GALNT13: variants seen among roughly 807,000 people sequenced by gnomAD.
GALNT13 encodes UDP-GalNAc:polypeptide N-acetylgalactosaminyltransferase 13.
Under a neutral mutation model 64.2 loss-of-function variants are expected in GALNT13, and 28 were observed. The observed-to-expected ratio is 0.44, with a 90% CI of 0.32 to 0.60. The LOEUF is 0.60. GALNT13 is among the 20% of genes least tolerant of loss of function. GALNT13 has a pLI of 0.05. For synonymous variants in GALNT13, 214 were observed against 224.6 expected (o/e 0.95, Z 0.42); for missense variants, 577 against 669.8 (o/e 0.86, Z 1.53).
chr2:154,302,735 G>T (rs1343787842), intron 9 of GALNT13, among the ~76,000 whole-genome samples: 1 of 152,178 alleles, frequency 6.6e-6, no homozygotes, highest in Non-Finnish European at 1.5e-5. Context: ...TCAAGTTATT[G>T]TCTAAATACC....
At chr2:153,583,046 C>G in the GALNT13 span, among the ~76,000 whole-genome samples, 2 of 152,122 alleles carry the variant, frequency 1.3e-5, no homozygotes, top group Admixed American at 6.6e-5. Flanking sequence ...GTGGGTAAGT[C>G]AGGCATTAAT....
At chr2:153,585,007 A>G in the GALNT13 span, among the ~76,000 whole-genome samples, 2 of 152,202 alleles carry the variant, frequency 1.3e-5, no homozygotes, top group African/African-American at 4.8e-5. Context: ...CACAGGAAAC[A>G]TCAAAAGCAA....
the GALNT13 span, among the ~76,000 whole-genome samples, chr2:153,817,373 G>C: frequency 6.6e-6 from 1 of 152,172 alleles, no homozygotes; most frequent in African/African-American, 2.4e-5. Flanking sequence ...TGATAAATCA[G>C]TTTAGCAAGA....
At chr2:153,442,290 A>T in the GALNT13 span, among the ~76,000 whole-genome samples, 1 of 152,340 alleles carries the variant, frequency 6.6e-6, no homozygotes, top group Non-Finnish European at 1.5e-5. Flanking sequence ...CATCCCAAGG[A>T]TGAAGCCGAC....
At chr2:153,132,010 A>G in the GALNT13 span, among the ~76,000 whole-genome samples, 1 of 152,300 alleles carries the variant, frequency 6.6e-6, no homozygotes, top group Middle Eastern at 3.4e-3. Flanking sequence ...GCCTTAGTCA[A>G]TGATACAGAG....
the GALNT13 span, among the ~76,000 whole-genome samples, chr2:153,589,887 C>G: frequency 1.3e-5 from 2 of 152,038 alleles, no homozygotes; most frequent in African/African-American, 4.8e-5. Context: ...GGAATACAGC[C>G]AAACCATATC....
chr2:154,219,490 T>C (rs1272231228), intron 4 of GALNT13, among the ~76,000 whole-genome samples: 1 of 152,142 alleles, frequency 6.6e-6, no homozygotes, highest in African/African-American at 2.4e-5. Flanking sequence ...TCTACCCATA[T>C]TATTTTCAAG....
At position 154,451,561 on chromosome 2, in the gene GALNT13, C is replaced by T. The variant is rs1373207276; in HGVS notation, c.*1010C>T. 1 of 152,048 alleles carries T rather than the reference C, an allele frequency of 6.6e-6. No homozygotes were observed. Among genetic ancestry groups the T allele is most frequent in the East Asian group, 1.9e-4 (1 of 5,188 alleles). The allele number at this position is 152,048 out of a possible 1,614,324, so 9.4% of individuals were successfully genotyped here. ...ACCTTTCAGTGCTGTGCTCCAGTATCTAAAAATTTTATCACCAGGGGAATA... is the reference window on the plus strand; with the variant it reads ...ACCTTTCAGTGCTGTGCTCCAGTATTTAAAAATTTTATCACCAGGGGAATA... On this transcript the variant is annotated 3_prime_UTR_variant, in exon 13 of 13. Coordinates refer to ENST00000392825, the MANE Select transcript of GALNT13 (RefSeq NM_052917.4).
chr2:153,389,293 A>G, the GALNT13 span, among the ~76,000 whole-genome samples: 1 of 152,190 alleles, frequency 6.6e-6, no homozygotes, highest in South Asian at 2.1e-4. Flanking sequence ...GAATTTGAAT[A>G]CGCTCATCAG....
the GALNT13 span, among the ~76,000 whole-genome samples, chr2:153,517,554 C>T: frequency 1.3e-5 from 2 of 152,124 alleles, no homozygotes; most frequent in East Asian, 1.9e-4. Context: ...TGGAACAATT[C>T]GAGTCAGAAA....
At chr2:154,057,258 T>C (rs12614125) in intron 3 of GALNT13, among the ~76,000 whole-genome samples, 1,576 of 152,290 alleles carry the variant, frequency 0.01, 17 homozygotes, top group Middle Eastern at 0.02. Context: ...CTTGATCTAC[T>C]GACCTTGTTA....
the GALNT13 span, among the ~76,000 whole-genome samples, chr2:153,141,181 T>A: frequency 6.8e-6 from 1 of 146,738 alleles, no homozygotes; most frequent in African/African-American, 2.4e-5. Context: ...GATTCATCCC[T>A]GTTGTAGCAG....
chr2:153,547,313 G>A, the GALNT13 span, among the ~76,000 whole-genome samples: 26 of 152,228 alleles, frequency 1.7e-4, no homozygotes, highest in East Asian at 1.9e-3. Flanking sequence ...GTACTATGTC[G>A]AAATACTCTG....
the GALNT13 span, among the ~76,000 whole-genome samples, chr2:153,615,732 A>C: frequency 6.6e-6 from 1 of 152,086 alleles, no homozygotes; most frequent in Non-Finnish European, 1.5e-5. Context: ...TAAATCTTTT[A>C]AATCGAAATG....
chr2:154,084,606 A>G (rs12623707), intron 3 of GALNT13, among the ~76,000 whole-genome samples: 46,307 of 151,704 alleles, frequency 0.31, 9,321 homozygotes, highest in East Asian at 0.83. Context: ...ACTCATATTA[A>G]AACAAATCTA....
the GALNT13 span, among the ~76,000 whole-genome samples, chr2:153,150,399 A>G: frequency 0.018 from 2,726 of 152,160 alleles, 35 homozygotes; most frequent in Non-Finnish European, 0.027. Context: ...GTAGATTGCA[A>G]CAATTTTCTC....
the GALNT13 span, among the ~76,000 whole-genome samples, chr2:153,407,813 ACAT>A: frequency 6.6e-6 from 1 of 152,130 alleles, no homozygotes; most frequent in Admixed American, 6.5e-5. Context: ...CTCAGCATAA[ACAT>A]CATGCTAATA....
At chr2:154,447,633 T>G (rs1423177966) in intron 12 of GALNT13, among the ~76,000 whole-genome samples, 1 of 151,980 alleles carries the variant, frequency 6.6e-6, no homozygotes, top group Non-Finnish European at 1.5e-5. Context: ...ACTTAAAGAT[T>G]GTTAGTGGAG....
At chr2:153,944,293 A>C in intron 2 of GALNT13, 101 bp from the exon 3 acceptor site, 1 of 472,198 alleles carries the variant, frequency 2.1e-6, no homozygotes, top group Non-Finnish European at 3.7e-6. Flanking sequence ...GTACTGATAT[A>C]TTTGAGAACA....
Sources: allele counts gnomAD v4.1 joint callset (sites outside exome capture counted in the v4.1 genomes callset), GRCh38; gene constraint gnomAD v4.1.1; transcripts MANE v1.5; gene names NCBI Gene and HGNC (gene_info 2026-07-23, HGNC 2026-07-21).